The following B3GNT3 variants were observed in gnomAD, a reference collection of about 807,000 sequenced individuals.
The protein encoded by B3GNT3 is UDP-GlcNAc:betaGal beta-1,3-N-acetylglucosaminyltransferase 3.
Under a neutral mutation model 11.6 loss-of-function variants are expected in B3GNT3, and 7 were observed. The observed-to-expected ratio is 0.60, with a 90% CI of 0.34 to 1.13. The LOEUF is 1.13. Among genes scored for constraint, B3GNT3 ranks in the 50% most tolerant of loss-of-function variants. The pLI is 0.03. For synonymous variants in B3GNT3, 201 were observed against 222.1 expected (o/e 0.90, Z 0.85); for missense variants, 400 against 507.4 (o/e 0.79, Z 2.03).
chr19:17,804,533 C>CGTTTTTTTT (rs987013912), intron 1 of B3GNT3, among the ~76,000 whole-genome samples: 1 of 57,016 alleles, frequency 1.8e-5, no homozygotes, highest in Non-Finnish European at 2.8e-5. Context: ...CCGTGCCCAG[C>CGTTTTTTTT]TTTTTTTTTT....
intron 2 of B3GNT3, among the ~76,000 whole-genome samples, chr19:17,809,411 C>CA (rs941531421): frequency 7.3e-5 from 11 of 150,294 alleles, no homozygotes; most frequent in East Asian, 2.0e-4. Context: ...TCATCTTTTT[C>CA]AAAAAAAATT....
At position 17,811,213 on chromosome 19, in the gene B3GNT3, C is replaced by T. The variant is rs1446356087; in HGVS notation, c.568-358C>T. On this transcript the variant is annotated intron_variant, in intron 2 of 2. Transcript: ENST00000318683. This position sits in a 1 kb window ranked among gnomAD's most constrained non-coding sequence, Gnocchi z 4.1. ...TGGGCAATAGAGCAAGACCCTGTCTCAGAAACAAACAAAATTCATACAAAT... is the reference window on the plus strand; with the variant it reads ...TGGGCAATAGAGCAAGACCCTGTCTTAGAAACAAACAAAATTCATACAAAT... Among the ~76,000 whole-genome samples, 1 of 152,140 alleles carries T rather than the reference C, an allele frequency of 6.6e-6. No homozygotes were observed. Among genetic ancestry groups the T allele is most frequent in the African/African-American group, 2.4e-5 (1 of 41,442 alleles).
At chr19:17,809,323 C>G (rs1246792186) in intron 2 of B3GNT3, among the ~76,000 whole-genome samples, 1 of 151,936 alleles carries the variant, frequency 6.6e-6, no homozygotes, top group East Asian at 1.9e-4. Flanking sequence ...CCTGTAATCC[C>G]AGCACTTTGG....
rs889667765 is a variant in B3GNT3 at position 17,813,008 on chromosome 19, G to A, written c.*886G>A. ...CTGTAGCCCCCAGCTTCAGGCCTCA[G>A]TGTCTGCCAGTCAAGCTTCACAGGC... On this transcript the variant is annotated 3_prime_UTR_variant, in exon 3 of 3. Transcript: ENST00000318683. 2 of 152,144 alleles carry A rather than the reference G, an allele frequency of 1.3e-5. No homozygotes were observed. The highest frequency in any genetic ancestry group is 2.4e-5 in the African/African-American group (1 of 41,430). 9.4% of individuals were successfully genotyped at this position (152,144 alleles called of 1,614,324 possible).
intron 1 of B3GNT3, among the ~76,000 whole-genome samples, chr19:17,806,564 G>T (rs1364434386): frequency 1.3e-5 from 2 of 152,144 alleles, no homozygotes; most frequent in Non-Finnish European, 2.9e-5. Context: ...GCAGTCCCTT[G>T]TGACAGATTC....
chr19:17,811,993 C>T lies in B3GNT3; in HGVS notation c.990C>T (p.Ser330=), dbSNP rs762936567. 5 of 1,602,676 alleles carry T rather than the reference C, an allele frequency of 3.1e-6. No individual in the cohort carries two copies. In the Admixed American group the frequency reaches 5.0e-5, roughly 16 times the overall value. ...SGVRAPSQRL[S]SFDPCFYRDL... is the part of the protein sequence containing the mutation. ...TGCGGGCTCCATCGCAACGCCTGTCCTCCTTTGACCCCTGCTTCTACCGAG... is the reference window on the plus strand; with the variant it reads ...TGCGGGCTCCATCGCAACGCCTGTCTTCCTTTGACCCCTGCTTCTACCGAG... The change falls in exon 3 of 3, where the codon TCC becomes TCT. Residue 330 remains serine, a synonymous_variant. Coordinates refer to ENST00000318683, the MANE Select transcript of B3GNT3 (RefSeq NM_014256.4). The surrounding 1 kb of genome is among the most constrained non-coding windows in gnomAD (Gnocchi z 4.1).
chr19:17,808,452 G>A, intron 2 of B3GNT3, 78 bp downstream of exon 2: 1 of 1,436,356 alleles, frequency 7.0e-7, no homozygotes, highest in Non-Finnish European at 9.4e-7. Flanking sequence ...GAGGGACCCA[G>A]GGGACCAGAA....
chr19:17,800,371 T>C (rs1282829225), intron 1 of B3GNT3, among the ~76,000 whole-genome samples: 2 of 151,902 alleles, frequency 1.3e-5, no homozygotes, highest in Non-Finnish European at 2.9e-5. Context: ...CAAGCGAGAC[T>C]CTGTCTCCAG....
chr19:17,809,248 T>G (rs541342826), intron 2 of B3GNT3, among the ~76,000 whole-genome samples: 1 of 152,176 alleles, frequency 6.6e-6, no homozygotes, highest in South Asian at 2.1e-4. Context: ...GCACAGCATG[T>G]GCTCAGTCAA....
chr19:17,805,529 C>A (rs79909286), intron 1 of B3GNT3, among the ~76,000 whole-genome samples: 49 of 152,154 alleles, frequency 3.2e-4, no homozygotes, highest in African/African-American at 1.2e-3. Context: ...TTCTTGTACC[C>A]TAGCAGGGTC....
intron 2 of B3GNT3, among the ~76,000 whole-genome samples, chr19:17,809,101 T>C (rs1328178781): frequency 6.6e-6 from 1 of 152,098 alleles, no homozygotes; most frequent in Non-Finnish European, 1.5e-5. Flanking sequence ...CCCAAAGTGC[T>C]GGGATTACAG....
chr19:17,808,606 T>C (rs541276008), intron 2 of B3GNT3, among the ~76,000 whole-genome samples: 5 of 152,256 alleles, frequency 3.3e-5, no homozygotes, highest in South Asian at 2.1e-4. Context: ...AGCCTGATGA[T>C]GCGGATTCGA....
chr19:17,807,111 AGTGTGTGT>A (rs56140662), intron 1 of B3GNT3, among the ~76,000 whole-genome samples: 2 of 116,242 alleles, frequency 1.7e-5, no homozygotes, highest in East Asian at 4.8e-4. Context: ...CAGTGGCCCC[AGTGTGTGT>A]GTGTGTGTGT....
At chr19:17,806,614 C>G (rs901878900) in intron 1 of B3GNT3, among the ~76,000 whole-genome samples, 1 of 152,050 alleles carries the variant, frequency 6.6e-6, no homozygotes, top group South Asian at 2.1e-4. Flanking sequence ...CTCCCAGTGA[C>G]CCCGAGTTGA....
At chr19:17,809,383 G>A (rs1222399210) in intron 2 of B3GNT3, among the ~76,000 whole-genome samples, 1 of 151,862 alleles carries the variant, frequency 6.6e-6, no homozygotes, top group East Asian at 1.9e-4. Flanking sequence ...AGGCCAGCCT[G>A]AGCCACATAG....
chr19:17,796,774 C>G (rs763606148), intron 1 of B3GNT3, among the ~76,000 whole-genome samples: 67 of 152,164 alleles, frequency 4.4e-4, no homozygotes, highest in Non-Finnish European at 8.7e-4. Context: ...CTTCTCTGTT[C>G]CAGGCCAGAG....
At chr19:17,799,301 C>T (rs1318105870) in intron 1 of B3GNT3, among the ~76,000 whole-genome samples, 2 of 128,108 alleles carry the variant, frequency 1.6e-5, no homozygotes, top group African/African-American at 6.2e-5. Flanking sequence ...GAGATGGAGT[C>T]TCATTTACCC....
upstream of B3GNT3, chr19:17,795,016 G>C (rs1328805181): frequency 6.6e-6 from 1 of 152,612 alleles, no homozygotes; most frequent in Non-Finnish European, 1.5e-5. Context: ...GGGCCACCAG[G>C]AAACTCAGCC....
intron 1 of B3GNT3, among the ~76,000 whole-genome samples, chr19:17,796,629 C>T (rs910800167): frequency 6.6e-6 from 1 of 152,120 alleles, no homozygotes. Flanking sequence ...GGCAGCTGGG[C>T]CCCCATATGG....
Sources: gnomAD v4.1 joint callset for allele counts (sites outside exome capture counted in the v4.1 genomes callset) on GRCh38, gnomAD v4.1.1 for gene constraint, Gnocchi (gnomAD v3.1) non-coding constraint, MANE v1.5 for transcripts, NCBI Gene and HGNC (gene_info 2026-07-23, HGNC 2026-07-21) for gene names.